Variants in ENKUR observed in about 807,000 individuals in gnomAD.
The protein encoded by ENKUR is enkurin.
Under a neutral mutation model 27.6 loss-of-function variants are expected in ENKUR, and 19 were observed. The observed-to-expected ratio is 0.69, with a 90% confidence interval of 0.48 to 1.01. ENKUR has a LOEUF of 1.01. Ranked by LOEUF, ENKUR falls within the 50% of genes least tolerant of loss-of-function variation. The pLI, the probability that ENKUR is intolerant of heterozygous loss-of-function variation, is 0.00. For synonymous variants in ENKUR, 117 were observed against 96.9 expected (o/e 1.21, Z -1.22); for missense variants, 312 against 310.5 (o/e 1.00, Z -0.04).
chr10:25,040,243 G>T (rs1413628288), intron 2 of ENKUR, among the ~76,000 whole-genome samples: 2 of 152,148 alleles, frequency 1.3e-5, no homozygotes, highest in Admixed American at 1.3e-4. Context: ...TAGATTCAAG[G>T]TGTGGGGAAA....
At chr10:25,023,642 C>G (rs79027216) in intron 2 of ENKUR, 1 of 1,614,022 alleles carries the variant, frequency 6.2e-7, no homozygotes, top group Non-Finnish European at 8.5e-7. Context: ...ATGCATGATG[C>G]TAGCATGTGG....
chr10:24,993,072 C>T (rs1463136517), intron 3 of ENKUR, among the ~76,000 whole-genome samples: 1 of 152,134 alleles, frequency 6.6e-6, no homozygotes, highest in Non-Finnish European at 1.5e-5. Context: ...GGCAGGAGAA[C>T]TGCTTGAGCC....
At chr10:25,029,212 T>C (rs1289642096) in intron 2 of ENKUR, among the ~76,000 whole-genome samples, 1 of 152,230 alleles carries the variant, frequency 6.6e-6, no homozygotes, top group African/African-American at 2.4e-5. Flanking sequence ...CCATTTTTTA[T>C]GTCAACATTA....
At chr10:25,002,903 A>G (rs1209290763) in intron 1 of ENKUR, among the ~76,000 whole-genome samples, 1 of 151,684 alleles carries the variant, frequency 6.6e-6, no homozygotes, top group East Asian at 1.9e-4. Flanking sequence ...CGTGATTAAT[A>G]AGATAATTTC....
chr10:25,003,177 A>T (rs34544794), intron 1 of ENKUR, among the ~76,000 whole-genome samples: 50,620 of 145,030 alleles, frequency 0.35, 10,163 homozygotes, highest in East Asian at 0.56. Context: ...TTAATTAATT[A>T]ATTAATTTAT....
rs116171068 is a variant in ENKUR, at chr10:24,990,131, C to G, written c.594+332G>C. Among the ~76,000 whole-genome samples, 975 of 152,148 alleles carry G rather than the reference C, an allele frequency of 6.4e-3. 9 individuals carry two copies. The highest frequency in any genetic ancestry group is 0.022 in the African/African-American group (926 of 41,504). On this transcript the variant is annotated intron_variant, in intron 4 of 5. Coordinates refer to ENST00000331161, the MANE Select transcript of ENKUR (RefSeq NM_145010.4). The stretch of plus-strand genomic sequence containing the variant: ...TTATGAATATTATTTTTCACAAACT[C>G]AGGGGCATAAAAATGAAAATAAAAA...
intron 2 of ENKUR, among the ~76,000 whole-genome samples, chr10:25,048,993 A>C (rs891935269): frequency 6.6e-6 from 1 of 152,188 alleles, no homozygotes; most frequent in Admixed American, 6.5e-5. Context: ...AGGAGGCTGT[A>C]TATAAAGAAT....
At position 24,982,047 on chromosome 10, in the gene ENKUR, G is replaced by A. The variant is rs1156365049; in HGVS notation, c.*2323C>T. ...TTTGAGTACCTTCTCTATACCAGCT[G>A]TTATGCAGATTCTAAGGAATGCAGA... On this transcript the variant is annotated 3_prime_UTR_variant, in exon 6 of 6. Coordinates refer to ENST00000331161, the MANE Select transcript of ENKUR (RefSeq NM_145010.4). The A allele has an allele frequency of 3.3e-5, 5 of 152,168 alleles. No homozygotes were observed. Among genetic ancestry groups the A allele is most frequent in the South Asian group, 4.1e-4 (2 of 4,826 alleles). 9.4% of individuals were successfully genotyped at this position (152,168 alleles called of 1,614,324 possible).
intron 3 of ENKUR, among the ~76,000 whole-genome samples, chr10:24,991,805 T>C (rs935116277): frequency 2.6e-5 from 4 of 152,206 alleles, no homozygotes; most frequent in Admixed American, 6.5e-5. Flanking sequence ...GGGAGTCTAA[T>C]TGAGCAAACA....
At chr10:25,043,919 TTC>T (rs1851093123) in intron 2 of ENKUR, among the ~76,000 whole-genome samples, 1 of 152,154 alleles carries the variant, frequency 6.6e-6, no homozygotes, top group Admixed American at 6.6e-5. Flanking sequence ...GTTCTAGGAT[TTC>T]TGTTTGATTC....
At chr10:25,055,545 CAAAAA>C (rs142864120) in intron 2 of ENKUR, among the ~76,000 whole-genome samples, 5 of 94,344 alleles carry the variant, frequency 5.3e-5, no homozygotes, top group Non-Finnish European at 1.1e-4. Context: ...AACAAATTGG[CAAAAA>C]AAAAAAAAAA....
chr10:24,986,945 C>T (rs183877224), intron 4 of ENKUR, among the ~76,000 whole-genome samples: 2 of 152,240 alleles, frequency 1.3e-5, no homozygotes, highest in Admixed American at 6.5e-5. Flanking sequence ...GGAAAAAATT[C>T]AGACAGGGAG....
At chr10:24,996,607 ATTTATT>A (rs1171608139) in intron 2 of ENKUR, among the ~76,000 whole-genome samples, 1 of 152,176 alleles carries the variant, frequency 6.6e-6, no homozygotes, top group Non-Finnish European at 1.5e-5. Context: ...ATGTGAAATA[ATTTATT>A]TTTAAGAACT....
chr10:25,019,252 CTGCT>C (rs368042747), upstream of ENKUR, among the ~76,000 whole-genome samples: 1 of 152,182 alleles, frequency 6.6e-6, no homozygotes, highest in Admixed American at 6.5e-5. Context: ...GGCAGGAAGA[CTGCT>C]TGAGCCCAGG....
chr10:25,027,383 A>AAAAAAAAAAAAAAAAAAAAAC (rs1850876187), intron 2 of ENKUR, among the ~76,000 whole-genome samples: 1 of 146,688 alleles, frequency 6.8e-6, no homozygotes, highest in Admixed American at 6.8e-5. Flanking sequence ...AAAAAAAAAA[A>AAAAAAAAAAAAAAAAAAAAAC]AAAACTAGCC....
chr10:25,025,745 T>G (rs1310728868), intron 2 of ENKUR: 2 of 312,904 alleles, frequency 6.4e-6, no homozygotes, highest in Non-Finnish European at 1.2e-5. Flanking sequence ...CTCACTGTTA[T>G]GTGGACCAAA....
At chr10:25,014,890 C>A (rs753863249) in intron 1 of ENKUR, among the ~76,000 whole-genome samples, 1 of 152,100 alleles carries the variant, frequency 6.6e-6, no homozygotes, top group Non-Finnish European at 1.5e-5. Flanking sequence ...AATAATTGAC[C>A]ATTAGATCTA....
At chr10:25,018,634 T>C, upstream of ENKUR, among the ~76,000 whole-genome samples, 1 of 150,872 alleles carries the variant, frequency 6.6e-6, no homozygotes, top group East Asian at 1.9e-4. Flanking sequence ...GGTATGCCTG[T>C]GATGTACATA....
At chr10:25,016,735 A>C (rs967984592), upstream of ENKUR, 2 of 152,364 alleles carry the variant, frequency 1.3e-5, no homozygotes, top group African/African-American at 2.4e-5. Flanking sequence ...CGGCTCGTGG[A>C]CACTGCTCCC....
Sources: allele counts gnomAD v4.1 joint callset (sites outside exome capture counted in the v4.1 genomes callset), GRCh38; gene constraint gnomAD v4.1.1; transcripts MANE v1.5; gene names NCBI Gene and HGNC (gene_info 2026-07-23, HGNC 2026-07-21).